The following ASAP1 variants were observed in gnomAD, a reference collection of about 807,000 sequenced individuals.
ASAP1 encodes arf-GAP with SH3 domain, ANK repeat and PH domain-containing protein 1.
Under a neutral mutation model 145.2 loss-of-function variants are expected in ASAP1, and 43 were observed. That is an observed-to-expected ratio of 0.30 (90% confidence interval 0.23 to 0.38). ASAP1 has a LOEUF of 0.38. Ranked by LOEUF, ASAP1 falls within the 10% of genes least tolerant of loss-of-function variation. ASAP1 has a pLI of 1.00. For synonymous variants in ASAP1, 546 were observed against 515.5 expected (o/e 1.06, Z -0.80); for missense variants, 1,018 against 1,355.3 (o/e 0.75, Z 3.91).
chr8:130,356,368 TC>T lies in ASAP1; in HGVS notation c.186+1648del, dbSNP rs367817608. Reference sequence around the variant, plus strand: ...ACCACTCAGTCTAATCAATGTCACATCCTTAGAAGTATATACAATTAGTACA... The same window carrying T: ...ACCACTCAGTCTAATCAATGTCACATCTTAGAAGTATATACAATTAGTACA... On this transcript the variant is annotated intron_variant, in intron 3 of 29. Coordinates refer to ENST00000518721, the MANE Select transcript of ASAP1 (RefSeq NM_018482.4). Among the ~76,000 whole-genome samples the T allele has an allele frequency of 7.8e-3, 1,184 of 152,256 alleles. 15 individuals are homozygous for T. Among genetic ancestry groups the T allele is most frequent in the African/African-American group, 0.027 (1,138 of 41,522 alleles).
rs751673569 is a variant in ASAP1 at position 130,115,655 on chromosome 8, A to G, written c.2145T>C (p.Asp715=). The change falls in exon 23 of 30, where the codon GAT becomes GAC. Residue 715 remains aspartate, a synonymous_variant. Coordinates refer to ENST00000518721, the MANE Select transcript of ASAP1 (RefSeq NM_018482.4). ...TGTCATCCAGATCATCATCGCTCTC[A>G]TCTATCTCCTCCTGTCGAAGATTCC... ...YEWNLRQEEI[D]ESDDDLDDKP... 1.2e-6 allele frequency: 2 copies of G among 1,614,014 alleles called. No individual in the cohort carries two copies. The highest frequency in any genetic ancestry group is 2.2e-5 in the East Asian group (1 of 44,884).
At chr8:130,286,908 C>T in intron 3 of ASAP1, among the ~76,000 whole-genome samples, 1 of 152,090 alleles carries the variant, frequency 6.6e-6, no homozygotes, top group East Asian at 1.9e-4. Flanking sequence ...GTAAGATATG[C>T]TAATGGTATA....
intron 2 of ASAP1, among the ~76,000 whole-genome samples, chr8:130,359,212 CT>C (rs532399535): frequency 1.7e-4 from 26 of 149,284 alleles, no homozygotes; most frequent in East Asian, 1.6e-3. Flanking sequence ...TTCATTTGCA[CT>C]TTTTTTTTTA....
intron 11 of ASAP1, among the ~76,000 whole-genome samples, chr8:130,161,209 T>C (rs1017537275): frequency 6.6e-6 from 1 of 152,224 alleles, no homozygotes; most frequent in African/African-American, 2.4e-5. Context: ...TTTTTTTATT[T>C]TTCCCCAAGG....
At chr8:130,403,554 CT>C (rs372481861) in intron 1 of ASAP1, among the ~76,000 whole-genome samples, 120 of 125,368 alleles carry the variant, frequency 9.6e-4, no homozygotes, top group Admixed American at 1.4e-3. Flanking sequence ...TTTTCTTTTT[CT>C]TTTTTTTTTT....
intron 4 of ASAP1, among the ~76,000 whole-genome samples, chr8:130,235,367 G>C (rs1174919032): frequency 2.6e-5 from 4 of 151,988 alleles, no homozygotes; most frequent in African/African-American, 9.7e-5. Context: ...TTCAGCATCT[G>C]ATGAATTATC....
At chr8:130,343,818 G>A (rs995506004) in intron 3 of ASAP1, among the ~76,000 whole-genome samples, 2 of 152,178 alleles carry the variant, frequency 1.3e-5, no homozygotes, top group Admixed American at 6.5e-5. Flanking sequence ...ACAATGACAT[G>A]CCTTTTTAAA....
intron 3 of ASAP1, among the ~76,000 whole-genome samples, chr8:130,246,780 G>A (rs1223104083): frequency 6.6e-6 from 1 of 152,092 alleles, no homozygotes; most frequent in Non-Finnish European, 1.5e-5. Context: ...TCTGTAAAGA[G>A]AACTCAACCC....
intron 28 of ASAP1, 46 bp from the exon 29 acceptor site, chr8:130,058,122 G>C: frequency 6.3e-7 from 1 of 1,592,836 alleles, no homozygotes; most frequent in Non-Finnish European, 8.6e-7. Context: ...GGACTGAATG[G>C]AAAAAAAGAG....
At chr8:130,205,183 T>C (rs1431121894) in intron 5 of ASAP1, among the ~76,000 whole-genome samples, 2 of 152,140 alleles carry the variant, frequency 1.3e-5, no homozygotes, top group Non-Finnish European at 2.9e-5. Flanking sequence ...TCCTTCTTCC[T>C]TCCTCTCACA....
At chr8:130,353,055 A>T (rs1470937905) in intron 3 of ASAP1, among the ~76,000 whole-genome samples, 2 of 152,216 alleles carry the variant, frequency 1.3e-5, no homozygotes, top group Non-Finnish European at 2.9e-5. Flanking sequence ...TATTGACTAC[A>T]TGGTAATTTG....
chr8:130,432,507 C>T (rs922777882), intron 1 of ASAP1, among the ~76,000 whole-genome samples: 1 of 152,116 alleles, frequency 6.6e-6, no homozygotes, highest in Non-Finnish European at 1.5e-5. Flanking sequence ...AGTTGTTCAT[C>T]CCACTGTGCA....
chr8:130,200,512 C>T (rs928705049), intron 5 of ASAP1, among the ~76,000 whole-genome samples: 6 of 151,882 alleles, frequency 4.0e-5, no homozygotes, highest in African/African-American at 1.5e-4. Flanking sequence ...CGGTGGAAAA[C>T]CACAGTATAA....
At chr8:130,249,540 G>C (rs547436593) in intron 3 of ASAP1, among the ~76,000 whole-genome samples, 9 of 152,166 alleles carry the variant, frequency 5.9e-5, no homozygotes, top group African/African-American at 1.7e-4. Context: ...CAACCTTTCA[G>C]ATTGGGTTTT....
At chr8:130,287,560 G>A (rs966013791) in intron 3 of ASAP1, among the ~76,000 whole-genome samples, 2 of 152,164 alleles carry the variant, frequency 1.3e-5, no homozygotes, top group Non-Finnish European at 2.9e-5. Context: ...AGTTCAATGC[G>A]ATGATGGGGA....
intron 3 of ASAP1, among the ~76,000 whole-genome samples, chr8:130,277,553 GCACAAAGTGA>G: frequency 6.6e-6 from 1 of 152,148 alleles, no homozygotes; most frequent in South Asian, 2.1e-4. Context: ...CTAAAGACAA[GCACAAAGTGA>G]CACAGAGTTC....
At chr8:130,099,469 T>C (rs2097524855) in intron 24 of ASAP1, among the ~76,000 whole-genome samples, 1 of 152,014 alleles carries the variant, frequency 6.6e-6, no homozygotes, top group Non-Finnish European at 1.5e-5. Flanking sequence ...CATGAGCCAC[T>C]GCGCCCGGCC....
chr8:130,422,176 G>A (rs1035616079), intron 1 of ASAP1, among the ~76,000 whole-genome samples: 2 of 152,120 alleles, frequency 1.3e-5, no homozygotes, highest in Non-Finnish European at 2.9e-5. Flanking sequence ...ACCAACCTGA[G>A]CCACAGTGTG....
chr8:130,380,290 G>A (rs1827706523), intron 2 of ASAP1, among the ~76,000 whole-genome samples: 2 of 152,352 alleles, frequency 1.3e-5, no homozygotes, highest in Non-Finnish European at 1.5e-5. Context: ...CCTCAGAGCT[G>A]TGCACCTGAG....
Sources: gnomAD v4.1 joint callset for allele counts (sites outside exome capture counted in the v4.1 genomes callset) on GRCh38, gnomAD v4.1.1 for gene constraint, MANE v1.5 for transcripts, NCBI Gene and HGNC (gene_info 2026-07-23, HGNC 2026-07-21) for gene names.